Variants in LRRC8B observed in about 807,000 individuals in gnomAD.
LRRC8B encodes volume-regulated anion channel subunit LRRC8B.
Under a neutral mutation model 58.8 loss-of-function variants are expected in LRRC8B, and 23 were observed. The observed-to-expected ratio is 0.39, with a 90% CI of 0.28 to 0.55. The LOEUF (loss-of-function observed/expected upper bound fraction) is 0.55, where lower values mean the gene tolerates loss of function less well. Ranked by LOEUF, LRRC8B falls within the 20% of genes least tolerant of loss-of-function variation. LRRC8B has a pLI of 0.62. For missense variants in LRRC8B, 694 were observed against 936.0 expected (o/e 0.74, Z 3.37); for synonymous variants, 359 against 374.1 (o/e 0.96, Z 0.47).
At chr1:89,585,599 T>C (rs573245105) in intron 5 of LRRC8B, among the ~76,000 whole-genome samples, 3 of 152,246 alleles carry the variant, frequency 2.0e-5, no homozygotes, top group South Asian at 4.1e-4. Context: ...GAAACTGACA[T>C]TCCTCTACTT....
intron 1 of LRRC8B, among the ~76,000 whole-genome samples, chr1:89,566,219 A>G (rs1474151241): frequency 2.0e-5 from 3 of 152,228 alleles, no homozygotes; most frequent in African/African-American, 7.2e-5. Flanking sequence ...TTAATAAACA[A>G]TGTAAAAGAA....
intron 5 of LRRC8B, among the ~76,000 whole-genome samples, chr1:89,589,869 A>G (rs1654871435): frequency 6.6e-6 from 1 of 152,006 alleles, no homozygotes; most frequent in South Asian, 2.1e-4. Flanking sequence ...AATGTCAGCC[A>G]TAGATGTAAA....
chr1:89,561,046 CTG>C (rs1307546694), intron 1 of LRRC8B, among the ~76,000 whole-genome samples: 1 of 149,790 alleles, frequency 6.7e-6, no homozygotes, highest in Non-Finnish European at 1.5e-5. Context: ...TCTCCAGCAC[CTG>C]TTGTTTCCTG....
intron 3 of LRRC8B, chr1:89,572,693 G>A (rs1653555259): frequency 6.6e-6 from 1 of 152,262 alleles, no homozygotes; most frequent in Admixed American, 6.5e-5. Context: ...TGGTGTTGGG[G>A]GGTGGTCAGG....
intron 1 of LRRC8B, among the ~76,000 whole-genome samples, chr1:89,562,182 C>CACACACACA (rs1557607163): frequency 5.3e-5 from 8 of 150,736 alleles, no homozygotes; most frequent in Non-Finnish European, 1.0e-4. Context: ...CACACACACA[C>CACACACACA]CCTCTGCATT....
chr1:89,569,580 G>A (rs1025915515), intron 3 of LRRC8B, among the ~76,000 whole-genome samples: 12 of 152,060 alleles, frequency 7.9e-5, no homozygotes, highest in East Asian at 1.9e-4. Flanking sequence ...TTCTGTTTCC[G>A]CTTTAGCTCA....
At chr1:89,549,517 A>G (rs1461169853) in intron 1 of LRRC8B, among the ~76,000 whole-genome samples, 2 of 152,210 alleles carry the variant, frequency 1.3e-5, no homozygotes, top group African/African-American at 2.4e-5. Context: ...AGCACCTGCA[A>G]TAGGGAGGCT....
chr1:89,581,908 A>T (rs1654252291), intron 4 of LRRC8B, among the ~76,000 whole-genome samples: 2 of 152,234 alleles, frequency 1.3e-5, no homozygotes, highest in South Asian at 4.1e-4. Flanking sequence ...GCATTCAGTG[A>T]CAGGTTGTTC....
At chr1:89,540,169 A>G (rs538294881) in intron 1 of LRRC8B, among the ~76,000 whole-genome samples, 114 of 152,180 alleles carry the variant, frequency 7.5e-4, no homozygotes, top group Non-Finnish European at 1.1e-3. Flanking sequence ...TTATTTTTTA[A>G]GTTTTATGTT....
chr1:89,578,471 T>A (rs1044685560), intron 3 of LRRC8B, among the ~76,000 whole-genome samples: 2 of 152,224 alleles, frequency 1.3e-5, no homozygotes, highest in African/African-American at 4.8e-5. Flanking sequence ...TATGAATTAG[T>A]GTACAGCTAG....
In LRRC8B at chr1:89,531,121, C is replaced by T. The variant is rs182432280; in HGVS notation, c.-241+6099C>T. On this transcript the variant is annotated intron_variant, in intron 1 of 5. Coordinates refer to ENST00000330947, the MANE Select transcript of LRRC8B (RefSeq NM_001369817.2). ...TCTGTTCATCTAAAGATTTTAAGTT[C>T]ATTTCTTTTAACAAAACTGAGTTTA... Among the ~76,000 whole-genome samples, 366 of 152,232 alleles carry T rather than the reference C, an allele frequency of 2.4e-3. 3 individuals carry two copies. The Middle Eastern group carries it at 0.031, about 13-fold the overall frequency.
chr1:89,581,196 G>C (rs1002661849), intron 4 of LRRC8B, among the ~76,000 whole-genome samples: 1 of 151,106 alleles, frequency 6.6e-6, no homozygotes, highest in Admixed American at 6.6e-5. Context: ...CTGCTCGGGA[G>C]GCTGAGGCGG....
Position 89,594,884 on chromosome 1 carries a change from A to G in LRRC8B, c.*1841A>G, listed in dbSNP as rs952324114. 6.6e-6 allele frequency: 1 copy of G among 152,186 alleles called. No homozygotes were observed. Among genetic ancestry groups the G allele is most frequent in the Non-Finnish European group, 1.5e-5 (1 of 68,012 alleles). 9.4% of individuals were successfully genotyped at this position (152,186 alleles called of 1,614,324 possible). On this transcript the variant is annotated 3_prime_UTR_variant, in exon 6 of 6. Coordinates refer to ENST00000330947, the MANE Select transcript of LRRC8B (RefSeq NM_001369817.2). ...CCTACACAAAACTGGAAAACACTAT[A>G]GGTAAACAGTACTGTGTATATGGAA...
intron 5 of LRRC8B, among the ~76,000 whole-genome samples, chr1:89,587,138 G>A (rs1654680483): frequency 6.6e-6 from 1 of 152,150 alleles, no homozygotes; most frequent in African/African-American, 2.4e-5. Flanking sequence ...AGCACTTGAG[G>A]AGGGAAAAGT....
chr1:89,536,493 T>C (rs1305572730), intron 1 of LRRC8B, among the ~76,000 whole-genome samples: 2 of 152,190 alleles, frequency 1.3e-5, no homozygotes, highest in African/African-American at 4.8e-5. Context: ...AGAGTTTTCA[T>C]TCAATACATT....
rs35027182 is a variant in LRRC8B at position 89,589,558 on chromosome 1, C to CTT, written c.2140-3200_2140-3199dup. Reference sequence around the variant, plus strand: ...AGGTCTTCTTACTTCCACATTTGTGCTTTTTTTTTTTTTTCTTATATTAGT... The same window carrying CTT: ...AGGTCTTCTTACTTCCACATTTGTGCTTTTTTTTTTTTTTTTCTTATATTAGT... On this transcript the variant is annotated intron_variant, in intron 5 of 5. Coordinates refer to ENST00000330947, the MANE Select transcript of LRRC8B (RefSeq NM_001369817.2). Among the ~76,000 whole-genome samples, 175 of 144,952 alleles carry CTT rather than the reference C, an allele frequency of 1.2e-3. 3 individuals are homozygous for CTT. In the South Asian group the frequency reaches 0.012, roughly 10 times the overall value.
chr1:89,532,978 G>C (rs1368421263), intron 1 of LRRC8B, among the ~76,000 whole-genome samples: 1 of 152,132 alleles, frequency 6.6e-6, no homozygotes, highest in Non-Finnish European at 1.5e-5. Context: ...TCCTCTTAAA[G>C]GATTGGTAAC....
chr1:89,587,749 A>C (rs1654725194), intron 5 of LRRC8B, among the ~76,000 whole-genome samples: 1 of 152,218 alleles, frequency 6.6e-6, no homozygotes, highest in African/African-American at 2.4e-5. Context: ...CATTAGTTGA[A>C]AGGATATTAG....
intron 1 of LRRC8B, among the ~76,000 whole-genome samples, chr1:89,543,911 C>A (rs990725993): frequency 3.9e-5 from 6 of 152,226 alleles, no homozygotes; most frequent in African/African-American, 1.2e-4. Flanking sequence ...CCTCAGCTTC[C>A]TGAGTAGCTG....
Sources: gnomAD v4.1 joint callset for allele counts (sites outside exome capture counted in the v4.1 genomes callset) on GRCh38, gnomAD v4.1.1 for gene constraint, MANE v1.5 for transcripts, NCBI Gene and HGNC (gene_info 2026-07-23, HGNC 2026-07-21) for gene names.